The following CTNNA3 variants were observed in gnomAD, a reference collection of about 807,000 sequenced individuals.
CTNNA3 encodes the protein catenin alpha 3, also known as catenin alpha-3.
Under a neutral mutation model 95.7 loss-of-function variants are expected in CTNNA3, and 76 were observed. That is an observed-to-expected ratio of 0.79 (90% confidence interval 0.66 to 0.96). The LOEUF (loss-of-function observed/expected upper bound fraction) is 0.96, where lower values mean the gene tolerates loss of function less well. Among genes scored for constraint, CTNNA3 ranks in the 40% least tolerant of loss-of-function variants. The pLI, the probability that CTNNA3 is intolerant of heterozygous loss-of-function variation, is 0.00. For synonymous variants in CTNNA3, 431 were observed against 374.4 expected (o/e 1.15, Z -1.74); for missense variants, 1,191 against 1,089.8 (o/e 1.09, Z -1.31).
chr10:66,615,689 A>G (rs924341003), intron 10 of CTNNA3, among the ~76,000 whole-genome samples: 1 of 151,996 alleles, frequency 6.6e-6, no homozygotes, highest in Non-Finnish European at 1.5e-5. Flanking sequence ...AAATTTCACT[A>G]TATGAAAAAA....
chr10:66,607,472 CAAAAAAAAAA>C (rs574854850), intron 10 of CTNNA3, among the ~76,000 whole-genome samples: 7 of 45,288 alleles, frequency 1.5e-4, no homozygotes, highest in South Asian at 1.1e-3. Context: ...CAGAGACAAC[CAAAAAAAAAA>C]AAAAAAAAAA....
intron 13 of CTNNA3, among the ~76,000 whole-genome samples, chr10:66,165,080 A>G (rs1430612697): frequency 6.6e-6 from 1 of 152,206 alleles, no homozygotes; most frequent in Non-Finnish European, 1.5e-5. Flanking sequence ...GAGTACTATG[A>G]ATCCATAAAA....
chr10:66,926,451 C>T (rs1217036524), intron 7 of CTNNA3: 1 of 979,430 alleles, frequency 1.0e-6, no homozygotes, highest in Non-Finnish European at 1.6e-6. Flanking sequence ...GTCCATCTCC[C>T]AAGGGGTCCA....
chr10:66,151,844 G>A (rs1369065285), intron 13 of CTNNA3, among the ~76,000 whole-genome samples: 8 of 151,850 alleles, frequency 5.3e-5, no homozygotes. Context: ...TTAAAATTAG[G>A]TTGAATAATA....
chr10:66,746,001 T>C (rs1367572552), intron 9 of CTNNA3, among the ~76,000 whole-genome samples: 4 of 152,132 alleles, frequency 2.6e-5, no homozygotes, highest in Admixed American at 6.5e-5. Context: ...ATTAATGGTA[T>C]TTACAATTGA....
At chr10:65,926,687 G>A (rs931718702) in intron 17 of CTNNA3, among the ~76,000 whole-genome samples, 1 of 152,030 alleles carries the variant, frequency 6.6e-6, no homozygotes, top group Non-Finnish European at 1.5e-5. Context: ...TGTTGGTCAG[G>A]CTCGTCTTGA....
chr10:66,839,537 T>A (rs1842979731), intron 7 of CTNNA3, among the ~76,000 whole-genome samples: 1 of 152,042 alleles, frequency 6.6e-6, no homozygotes, highest in African/African-American at 2.4e-5. Context: ...ATAATAAAAA[T>A]TTTTATCTGT....
At chr10:66,750,264 G>T (rs72637085) in intron 9 of CTNNA3, among the ~76,000 whole-genome samples, 9,206 of 152,160 alleles carry the variant, frequency 0.061, 449 homozygotes, top group East Asian at 0.22. Context: ...TCATGACTTT[G>T]ATGTTGTATC....
At chr10:66,084,254 TA>T (rs2080893155) in intron 14 of CTNNA3, among the ~76,000 whole-genome samples, 1 of 152,112 alleles carries the variant, frequency 6.6e-6, no homozygotes, top group African/African-American at 2.4e-5. Flanking sequence ...GCTCTGAAAG[TA>T]TGGCCCATCA....
chr10:67,488,211 A>AGG (rs1228104790), intron 5 of CTNNA3, among the ~76,000 whole-genome samples: 1 of 152,322 alleles, frequency 6.6e-6, no homozygotes, highest in East Asian at 1.9e-4. Flanking sequence ...AGAACAGTAC[A>AGG]GGGATACAAG....
chr10:67,198,313 C>T (rs979626459), intron 6 of CTNNA3, among the ~76,000 whole-genome samples: 1 of 152,000 alleles, frequency 6.6e-6, no homozygotes, highest in Non-Finnish European at 1.5e-5. Flanking sequence ...TTGGAGAAAG[C>T]ACTGGTGGAG....
chr10:66,352,209 C>T (rs978832583), intron 12 of CTNNA3, among the ~76,000 whole-genome samples: 1 of 152,082 alleles, frequency 6.6e-6, no homozygotes, highest in African/African-American at 2.4e-5. Context: ...AAGGCCCCAG[C>T]AGTCAGACTG....
At chr10:66,991,574 G>A (rs906962428) in intron 7 of CTNNA3, among the ~76,000 whole-genome samples, 1 of 152,064 alleles carries the variant, frequency 6.6e-6, no homozygotes, top group Non-Finnish European at 1.5e-5. Flanking sequence ...TTTTTGAGAT[G>A]GAGTTTCGCT....
intron 15 of CTNNA3, among the ~76,000 whole-genome samples, chr10:66,046,037 C>T (rs1589289379): frequency 6.6e-6 from 1 of 152,214 alleles, no homozygotes; most frequent in South Asian, 2.1e-4. Context: ...GTGAGTAATA[C>T]AATGCCCTCA....
intron 15 of CTNNA3, among the ~76,000 whole-genome samples, chr10:66,018,893 AC>A (rs34810471): frequency 0.076 from 11,576 of 152,170 alleles, 551 homozygotes; most frequent in Non-Finnish European, 0.12. Flanking sequence ...AATCACATTC[AC>A]GTTTATGGTG....
chr10:67,065,659 C>G lies in CTNNA3; in HGVS notation c.1047+114658G>C, dbSNP rs1450523128. Among the ~76,000 whole-genome samples, 4 of 152,054 alleles carry G rather than the reference C, an allele frequency of 2.6e-5. No individual in the cohort carries two copies. In the East Asian group the frequency reaches 7.7e-4, roughly 29 times the overall value. ...ATAAAATTCTCCAGTGCCTGGTCCT[C>G]CATGCCCTTTCCCCAAGCATGAGCC... is the stretch of plus-strand genomic sequence containing the variant. On this transcript the variant is annotated intron_variant, in intron 7 of 17. Coordinates refer to ENST00000433211, the MANE Select transcript of CTNNA3 (RefSeq NM_013266.4).
chr10:66,197,565 C>A (rs1021652404), intron 13 of CTNNA3, among the ~76,000 whole-genome samples: 7 of 152,138 alleles, frequency 4.6e-5, no homozygotes, highest in African/African-American at 1.4e-4. Context: ...AAAGTATACT[C>A]TATTAATGTA....
intron 12 of CTNNA3, among the ~76,000 whole-genome samples, chr10:66,339,103 A>G (rs578107340): frequency 2.6e-5 from 4 of 151,924 alleles, no homozygotes; most frequent in Non-Finnish European, 4.4e-5. Flanking sequence ...AAATCTATGT[A>G]TTTTTTGTTG....
intron 2 of CTNNA3, among the ~76,000 whole-genome samples, chr10:67,616,784 A>G (rs1843671239): frequency 6.6e-6 from 1 of 152,212 alleles, no homozygotes; most frequent in South Asian, 2.1e-4. Context: ...GAAAGAGGTA[A>G]AAGTTGGAGA....
Sources: allele counts gnomAD v4.1 joint callset (sites outside exome capture counted in the v4.1 genomes callset), GRCh38; gene constraint gnomAD v4.1.1; transcripts MANE v1.5; gene names NCBI Gene and HGNC (gene_info 2026-07-23, HGNC 2026-07-21).